Variants in ABCB1 observed in about 807,000 individuals in gnomAD.
ABCB1 encodes the protein ATP binding cassette subfamily B member 1, also known as ATP-dependent translocase ABCB1.
A neutral mutation model predicts 142.0 loss-of-function variants in ABCB1; 69 were observed. The observed-to-expected ratio is 0.49, with a 90% CI of 0.40 to 0.59. The LOEUF is 0.59. Ranked by LOEUF, ABCB1 falls within the 20% of genes least tolerant of loss-of-function variation. The pLI is 0.00. For missense variants in ABCB1, 1,326 were observed against 1,554.7 expected, an observed-to-expected ratio of 0.85 and a Z score of 2.47; for synonymous variants, 532 against 539.2, an observed-to-expected ratio of 0.99 and a Z score of 0.18.
intron 8 of ABCB1, among the ~76,000 whole-genome samples, chr7:87,556,662 C>T (rs1439536413): frequency 6.6e-6 from 1 of 152,166 alleles, no homozygotes; most frequent in East Asian, 1.9e-4. Context: ...ACCATTCTGC[C>T]GGCCTCCCCA....
intron 1 of ABCB1, among the ~76,000 whole-genome samples, chr7:87,701,107 G>A (rs6465118): frequency 0.095 from 14,404 of 152,272 alleles, 818 homozygotes; most frequent in African/African-American, 0.16. Context: ...CATTTCTGCA[G>A]CATACTGAAA....
At chr7:87,701,001 A>G (rs1046266624) in intron 1 of ABCB1, among the ~76,000 whole-genome samples, 3 of 152,214 alleles carry the variant, frequency 2.0e-5, no homozygotes, top group Non-Finnish European at 2.9e-5. Context: ...AAGAATGACC[A>G]TGATGGTGCG....
At chr7:87,509,822 T>G (rs1814926203) in intron 25 of ABCB1, among the ~76,000 whole-genome samples, 1 of 152,182 alleles carries the variant, frequency 6.6e-6, no homozygotes, top group Non-Finnish European at 1.5e-5. Context: ...AGATGTAAGG[T>G]TGCTAATCAG....
At chr7:87,586,943 T>C (rs995362291) in intron 3 of ABCB1, among the ~76,000 whole-genome samples, 3 of 152,230 alleles carry the variant, frequency 2.0e-5, no homozygotes, top group African/African-American at 7.2e-5. Flanking sequence ...TTACCCTTTT[T>C]CTAGCTCTTA....
chr7:87,532,960 GAA>G (rs1816123862), intron 20 of ABCB1, among the ~76,000 whole-genome samples: 1 of 152,168 alleles, frequency 6.6e-6, no homozygotes, highest in African/African-American at 2.4e-5. Context: ...TAGTATTTAG[GAA>G]AAGAGTGCTA....
intron 1 of ABCB1, among the ~76,000 whole-genome samples, chr7:87,610,251 T>C (rs1231625139): frequency 1.3e-5 from 2 of 149,222 alleles, no homozygotes; most frequent in Non-Finnish European, 3.0e-5. Flanking sequence ...TTTTTTTTTT[T>C]TTCTCAGCCA....
At chr7:87,571,173 A>C (rs1431129165) in intron 4 of ABCB1, among the ~76,000 whole-genome samples, 6 of 152,206 alleles carry the variant, frequency 3.9e-5, no homozygotes, top group African/African-American at 1.4e-4. Context: ...GAGGGGAAAA[A>C]CTATTTCTAG....
intron 25 of ABCB1, 36 bp from the exon 26 acceptor site, chr7:87,509,517 AG>A: frequency 6.3e-7 from 1 of 1,598,488 alleles, no homozygotes; most frequent in Non-Finnish European, 8.6e-7. Context: ...CTTCAGGACC[AG>A]CACACTTTGA....
At chr7:87,626,174 T>TTGTCATATATA in intron 1 of ABCB1, among the ~76,000 whole-genome samples, 1 of 82,016 alleles carries the variant, frequency 1.2e-5, no homozygotes, top group Non-Finnish European at 2.4e-5. Flanking sequence ...GTCATATATA[T>TTGTCATATATA]TGTCATATAT....
rs1414209266 is a variant in ABCB1, at chr7:87,607,728, G to T, written c.-330-6650C>A. Among the ~76,000 whole-genome samples, 3 of 151,118 alleles carry T rather than the reference G, an allele frequency of 2.0e-5. No homozygotes were observed. The East Asian group carries it at 5.8e-4, about 29-fold the overall frequency. The stretch of plus-strand genomic sequence containing the variant: ...CACCTTGCCTGGCTAATTTTTTTTT[G>T]TAGAGATAGGCTGTCACTATGTTGC... On this transcript the variant is annotated intron_variant, in intron 1 of 28. Coordinates refer to the ABCB1 transcript ENST00000265724.
intron 4 of ABCB1, 29 bp downstream of exon 4, chr7:87,585,483 A>C: frequency 1.2e-6 from 2 of 1,611,130 alleles, no homozygotes; most frequent in Non-Finnish European, 1.7e-6. Flanking sequence ...GCAAGTTTCC[A>C]ATAAAATTGG....
At chr7:87,690,668 C>G (rs544668991) in intron 1 of ABCB1, among the ~76,000 whole-genome samples, 1 of 152,058 alleles carries the variant, frequency 6.6e-6, no homozygotes, top group East Asian at 1.9e-4. Context: ...AAATTTTCCT[C>G]CTATGTAAAT....
chr7:87,685,537 G>C (rs1051003706), intron 1 of ABCB1, among the ~76,000 whole-genome samples: 11 of 152,078 alleles, frequency 7.2e-5, no homozygotes, highest in Non-Finnish European at 8.8e-5. Flanking sequence ...ACAACAACAT[G>C]TATAAATGTC....
chr7:87,664,147 T>A (rs1332680971), intron 1 of ABCB1, among the ~76,000 whole-genome samples: 2 of 152,062 alleles, frequency 1.3e-5, no homozygotes, highest in Non-Finnish European at 2.9e-5. Context: ...CATTCACTTT[T>A]AAAATAATAT....
intron 1 of ABCB1, chr7:87,700,717 C>G (rs1828956952): frequency 1.6e-6 from 1 of 624,470 alleles, no homozygotes; most frequent in Non-Finnish European, 2.6e-6. Flanking sequence ...ATTATCTAAA[C>G]TAGTGGCTCT....
chr7:87,513,008 G>A (rs139377583), intron 25 of ABCB1, among the ~76,000 whole-genome samples: 56 of 152,306 alleles, frequency 3.7e-4, no homozygotes, highest in African/African-American at 1.2e-3. Context: ...CAGGGTCTAC[G>A]AGGGAGATGC....
chr7:87,685,509 G>GA (rs5885593), intron 1 of ABCB1, among the ~76,000 whole-genome samples: 16,926 of 151,706 alleles, frequency 0.11, 1,220 homozygotes, highest in Admixed American at 0.22. Flanking sequence ...TAATAAAAAG[G>GA]AAAAAAAATT....
intron 26 of ABCB1, among the ~76,000 whole-genome samples, chr7:87,508,920 T>G (rs1434825074): frequency 6.6e-6 from 1 of 152,140 alleles, no homozygotes; most frequent in Non-Finnish European, 1.5e-5. Context: ...GGACTTAAAG[T>G]GAAAGGCTTT....
At chr7:87,675,593 A>T (rs941928734) in intron 1 of ABCB1, among the ~76,000 whole-genome samples, 14 of 150,706 alleles carry the variant, frequency 9.3e-5, no homozygotes. Flanking sequence ...CCAAGAGTAC[A>T]CAATAGGGAA....
Sources: gnomAD v4.1 joint callset for allele counts (sites outside exome capture counted in the v4.1 genomes callset) on GRCh38, gnomAD v4.1.1 for gene constraint, MANE v1.5 for transcripts, NCBI Gene and HGNC (gene_info 2026-07-23, HGNC 2026-07-21) for gene names.